Variants in GRK2 observed in about 807,000 individuals in gnomAD.
GRK2 encodes the protein adrenergic beta receptor kinase 1.
Under a neutral mutation model 97.8 loss-of-function variants are expected in GRK2, and 23 were observed. That is an observed-to-expected ratio of 0.24 (90% CI 0.17 to 0.33). The LOEUF is 0.33. GRK2 is among the 10% of genes least tolerant of loss of function. GRK2 has a pLI of 1.00. For missense variants in GRK2, 633 were observed against 956.9 expected (o/e 0.66, Z 4.47); for synonymous variants, 425 against 381.7 (o/e 1.11, Z -1.32).
chr11:67,285,344 A>G lies in GRK2; in HGVS notation c.1964A>G (p.Gln655Arg). Residue 655 changes from glutamine to arginine, a missense_variant, in exon 21 of 21, where the codon CAG becomes CGG. Gln to Arg is a conservative substitution (Grantham distance 43). Transcript: ENST00000308595. ...CTGCGCGACGCCTACCGCGAGGCCC[A>G]GCAGCTGGTGCAGCGGGTGCCCAAG... ...KELRDAYREA[Q>R]QLVQRVPKMK... The G allele has an allele frequency of 6.2e-7, 1 of 1,610,444 alleles. No homozygotes were observed. The highest frequency in any genetic ancestry group is 8.5e-7 in the Non-Finnish European group (1 of 1,179,436).
At position 67,281,857 on chromosome 11, in the gene GRK2, G is replaced by T; in HGVS notation, c.862G>T (p.Val288Phe). 1 of 1,613,754 alleles carries T rather than the reference G, an allele frequency of 6.2e-7. No individual in the cohort carries two copies. Among genetic ancestry groups the T allele is most frequent in the Admixed American group, 1.7e-5 (1 of 60,028 alleles). ...DLHYHLSQHG[V>F]FSEADMRFYA... The stretch of plus-strand genomic sequence containing the variant: ...GCACTACCACCTCTCCCAGCACGGG[G>T]TCTTCTCAGAGGCTGACATGCGCTT... The change falls in exon 11 of 21, where the codon GTC (valine) becomes TTC (phenylalanine). Residue 288 changes from valine to phenylalanine, a missense_variant. Coordinates refer to ENST00000308595, the MANE Select transcript of GRK2 (RefSeq NM_001619.5). This position sits in a 1 kb window ranked among gnomAD's most constrained non-coding sequence, Gnocchi z 5.7.
At chr11:67,273,593 T>C (rs1160505124) in intron 1 of GRK2, among the ~76,000 whole-genome samples, 1 of 152,058 alleles carries the variant, frequency 6.6e-6, no homozygotes, top group African/African-American at 2.4e-5. Flanking sequence ...CAGGAAACCC[T>C]AAAATTGCCA....
intron 2 of GRK2, 97 bp downstream of exon 2, chr11:67,277,445 T>G: frequency 4.5e-6 from 5 of 1,108,414 alleles, no homozygotes; most frequent in Non-Finnish European, 6.7e-6. Context: ...AGATTTGGCC[T>G]CCCATCCACT....
chr11:67,266,864 G>GCGGCCC, intron 1 of GRK2, 52 bp downstream of exon 1: 1 of 938,828 alleles, frequency 1.1e-6, no homozygotes, highest in Non-Finnish European at 1.4e-6. Context: ...CGCCCCGGCC[G>GCGGCCC]CGGCCCCGAG....
intron 2 of GRK2, among the ~76,000 whole-genome samples, chr11:67,278,557 T>C (rs1860080630): frequency 6.6e-6 from 1 of 152,180 alleles, no homozygotes. Flanking sequence ...TGAGTTCCAC[T>C]TGAGCCTCTG....
In GRK2 at chr11:67,282,657, A is replaced by AC; in HGVS notation, c.1161-93dup. The AC allele has an allele frequency of 6.4e-7, 1 of 1,562,726 alleles. No homozygotes were observed. ...TAGCTGCCTTGGTGGTAGGGTTGGC[A>AC]CCGTCCCTGACTTTGGCCACAGCTC... On this transcript the variant is annotated intron_variant, in intron 13 of 20. Transcript: ENST00000308595. The surrounding 1 kb of genome is among the most constrained non-coding windows in gnomAD (Gnocchi z 6.9).
chr11:67,285,646 G>A lies in GRK2; in HGVS notation c.*196G>A. On this transcript the variant is annotated 3_prime_UTR_variant, in exon 21 of 21. Coordinates refer to ENST00000308595, the MANE Select transcript of GRK2 (RefSeq NM_001619.5). ...ACCCAGCCGCTGCCCGGCGCCCTCT[G>A]TCCTGACTTCAGGGGCTGCCCGCTC... is the stretch of plus-strand genomic sequence containing the variant. The A allele has an allele frequency of 1.5e-6, 1 of 649,816 alleles. No homozygotes were observed. Among genetic ancestry groups the A allele is most frequent in the South Asian group, 2.2e-5 (1 of 45,330 alleles). 40.3% of individuals were successfully genotyped at this position (649,816 alleles called of 1,614,324 possible).
Position 67,281,601 on chromosome 11 carries a change from C to CG in GRK2, c.747+46dup, listed in dbSNP as rs761423603. 2 of 1,610,050 alleles carry CG rather than the reference C, an allele frequency of 1.2e-6. No homozygotes were observed. The highest frequency in any genetic ancestry group is 2.2e-5 in the South Asian group (2 of 91,002). On this transcript the variant is annotated intron_variant, in intron 9 of 20. Transcript: ENST00000308595. This position sits in a 1 kb window ranked among gnomAD's most constrained non-coding sequence, Gnocchi z 5.7. ...GGCTGCCGCTGAGGCTCTGGAACCC[C>CG]GGGCGCCCCTGCTAACTGCCCGCCC...
At position 67,269,461 on chromosome 11, in the gene GRK2, A is replaced by ACC. The variant is rs1359645273; in HGVS notation, c.113+2652_113+2653dup. Among the ~76,000 whole-genome samples, 2 of 151,282 alleles carry ACC rather than the reference A, an allele frequency of 1.3e-5. No individual in the cohort carries two copies. Among genetic ancestry groups the ACC allele is most frequent in the South Asian group, 4.2e-4 (2 of 4,782 alleles). On this transcript the variant is annotated intron_variant, in intron 1 of 20. Transcript: ENST00000308595. The surrounding 1 kb of genome is among the most constrained non-coding windows in gnomAD (Gnocchi z 4.1). Reference sequence around the variant, plus strand: ...TTGCTGTGCTTTATCCCCTCCACCCACCCCTGCACACCACTGTTCTCGCCT... The same window carrying ACC: ...TTGCTGTGCTTTATCCCCTCCACCCACCCCCCTGCACACCACTGTTCTCGCCT...
At position 67,286,467 on chromosome 11, in the gene GRK2, A is replaced by T. The variant is rs1860287466; in HGVS notation, c.*1017A>T. ...GCGCACCCTCCCCTCCCGTCTACTC[A>T]TTCCCCGGGGCGTTTCTTTGCCGAT... On this transcript the variant is annotated 3_prime_UTR_variant, in exon 21 of 21. Transcript: ENST00000308595. 2 of 699,810 alleles carry T rather than the reference A, an allele frequency of 2.9e-6. No homozygotes were observed. The highest frequency in any genetic ancestry group is 5.2e-6 in the Non-Finnish European group (2 of 382,978). 43.4% of individuals were successfully genotyped at this position (699,810 alleles called of 1,614,324 possible). A position where few individuals can be genotyped will look rare whatever the true frequency, so the allele number is the denominator to read the frequency against.
In GRK2 at chr11:67,282,422, C is replaced by T; in HGVS notation, c.1053-13C>T. The T allele has an allele frequency of 6.2e-7, 1 of 1,613,072 alleles. No individual in the cohort carries two copies. The highest frequency in any genetic ancestry group is 8.5e-7 in the Non-Finnish European group (1 of 1,179,494). ...CCTTGCCACTCCCGCTTATGGCCCC[C>T]TTGCTCCCACAGGGGCACCCACGGG... On this transcript the variant is annotated splice_polypyrimidine_tract_variant and intron_variant, in intron 12 of 20. Transcript: ENST00000308595. This position sits in a 1 kb window ranked among gnomAD's most constrained non-coding sequence, Gnocchi z 6.9.
intron 7 of GRK2, 120 bp from the exon 8 acceptor site, chr11:67,280,973 G>T: frequency 9.0e-7 from 1 of 1,113,830 alleles, no homozygotes. Context: ...ATGTGGCAAG[G>T]ATGGCCAGGA....
At position 67,281,397 on chromosome 11, in the gene GRK2, C is replaced by T; in HGVS notation, c.648-62C>T. On this transcript the variant is annotated intron_variant, in intron 8 of 20. Coordinates refer to ENST00000308595, the MANE Select transcript of GRK2 (RefSeq NM_001619.5). The surrounding 1 kb of genome is among the most constrained non-coding windows in gnomAD (Gnocchi z 5.7). The stretch of plus-strand genomic sequence containing the variant: ...GTCTAGTCTTTCCCTCAAGCGCCCC[C>T]TGAGGCAGCCCTGGGCCCCTGCTCT... 6.7e-7 allele frequency: 1 copy of T among 1,494,508 alleles called. No homozygotes were observed. Among genetic ancestry groups the T allele is most frequent in the East Asian group, 2.3e-5 (1 of 43,974 alleles). 92.6% of individuals were successfully genotyped at this position (1,494,508 alleles called of 1,614,324 possible). A position where few individuals can be genotyped will look rare whatever the true frequency, so the allele number is the denominator to read the frequency against.
At position 67,286,212 on chromosome 11, in the gene GRK2, C is replaced by G; in HGVS notation, c.*762C>G. On this transcript the variant is annotated 3_prime_UTR_variant, in exon 21 of 21. Transcript: ENST00000308595. ...TCGCTGATGCTGGGCTGGGTGCGAC[C>G]CCATCTGCCCAGGACGGGGCCGGCC... The G allele has an allele frequency of 1.8e-6, 1 of 555,390 alleles. No individual in the cohort carries two copies. Among genetic ancestry groups the G allele is most frequent in the East Asian group, 3.3e-5 (1 of 30,610 alleles). The allele number at this position is 555,390 out of a possible 1,614,324, so 34.4% of individuals were successfully genotyped here.
intron 1 of GRK2, among the ~76,000 whole-genome samples, chr11:67,268,299 C>G (rs1859839515): frequency 6.6e-6 from 1 of 152,212 alleles, no homozygotes; most frequent in South Asian, 2.1e-4. Flanking sequence ...TTTGGATTGA[C>G]TGAACGTCAG....
At chr11:67,279,358 G>T in intron 3 of GRK2, 60 bp from the exon 4 acceptor site, 1 of 1,605,818 alleles carries the variant, frequency 6.2e-7, no homozygotes, top group South Asian at 1.1e-5. Context: ...AAGCTGCCTG[G>T]TGTGGGCATC....
chr11:67,269,759 G>A lies in GRK2; in HGVS notation c.113+2947G>A, dbSNP rs1859870373. On this transcript the variant is annotated intron_variant, in intron 1 of 20. Transcript: ENST00000308595. The surrounding 1 kb of genome is among the most constrained non-coding windows in gnomAD (Gnocchi z 4.1). ...TGCCACTGGGAATTGTTCATACCTTGAGGTGGCCCACCTTGGCAGCCCCTC... is the reference window on the plus strand; with the variant it reads ...TGCCACTGGGAATTGTTCATACCTTAAGGTGGCCCACCTTGGCAGCCCCTC... Among the ~76,000 whole-genome samples, 1 of 152,230 alleles carries A rather than the reference G, an allele frequency of 6.6e-6. No individual in the cohort carries two copies. The highest frequency in any genetic ancestry group is 1.5e-5 in the Non-Finnish European group (1 of 68,042).
intron 6 of GRK2, 165 bp from the exon 7 acceptor site, chr11:67,280,567 C>G: frequency 2.5e-6 from 2 of 793,628 alleles, no homozygotes; most frequent in Middle Eastern, 2.4e-4. Context: ...TGTGGGCGGG[C>G]AGGCCCTCAA....
Position 67,266,651 on chromosome 11 carries a change from A to AGCGGGG in GRK2, c.-45_-44insGGGCGG. 1.2e-6 allele frequency: 1 copy of AGCGGGG among 857,600 alleles called. No individual in the cohort carries two copies. Among genetic ancestry groups the AGCGGGG allele is most frequent in the Non-Finnish European group, 1.4e-6 (1 of 699,132 alleles). The allele number at this position is 857,600 out of a possible 1,614,324, so 53.1% of individuals were successfully genotyped here. A position where few individuals can be genotyped will look rare whatever the true frequency, so the allele number is the denominator to read the frequency against. On this transcript the variant is annotated 5_prime_UTR_variant, in exon 1 of 21. Transcript: ENST00000308595. ...CCGGGCCGAGCGCCGAGCGAGCAGG[A>AGCGGGG]GCGGCGGCGGCGGCGGCGGCGGCGG...
Sources: gnomAD v4.1 joint callset for allele counts (sites outside exome capture counted in the v4.1 genomes callset) on GRCh38, gnomAD v4.1.1 for gene constraint, Gnocchi (gnomAD v3.1) non-coding constraint, MANE v1.5 for transcripts, NCBI Gene and HGNC (gene_info 2026-07-23, HGNC 2026-07-21) for gene names.